RAD50: variants seen among roughly 807,000 people sequenced by gnomAD.
The protein encoded by RAD50 is RAD50 double strand break repair protein.
RAD50 carries 132 observed loss-of-function variants against 168.8 expected under a neutral mutation model. That is an observed-to-expected ratio of 0.78 (90% CI 0.68 to 0.90). RAD50 has a LOEUF of 0.90. RAD50 is among the 40% of genes least tolerant of loss of function. RAD50 has a pLI of 0.00. For synonymous variants in RAD50, 525 were observed against 497.4 expected, an observed-to-expected ratio of 1.06 and a Z score of -0.74; for missense variants, 1,347 against 1,534.4, an observed-to-expected ratio of 0.88 and a Z score of 2.04.
intron 21 of RAD50, among the ~76,000 whole-genome samples, chr5:132,622,220 G>T (rs1751298863): frequency 6.6e-6 from 1 of 151,780 alleles, no homozygotes; most frequent in Admixed American, 6.6e-5. Context: ...GAGTGCAGTG[G>T]CATGATCTCG....
intron 19 of RAD50, 112 bp downstream of exon 19, chr5:132,609,508 G>T: frequency 6.7e-7 from 1 of 1,501,750 alleles, no homozygotes; most frequent in Non-Finnish European, 9.0e-7. Context: ...GAGGCCAAGC[G>T]TGGTGGCTCA....
intron 1 of RAD50, among the ~76,000 whole-genome samples, chr5:132,558,555 A>C (rs1230364727): frequency 1.3e-5 from 2 of 151,974 alleles, no homozygotes; most frequent in African/African-American, 4.8e-5. Context: ...TAATAAAAAT[A>C]CAAAAATTAG....
intron 22 of RAD50, 102 bp from the exon 23 acceptor site, chr5:132,637,979 T>C (rs1017029501): frequency 1.3e-5 from 17 of 1,278,434 alleles, no homozygotes; most frequent in Admixed American, 1.8e-5. Context: ...CCTCTGGTAA[T>C]GTCAGCCTCA....
At chr5:132,585,119 C>T (rs182973527) in intron 5 of RAD50, among the ~76,000 whole-genome samples, 10 of 152,090 alleles carry the variant, frequency 6.6e-5, no homozygotes, top group Admixed American at 5.9e-4. Flanking sequence ...AAGTTGTTTT[C>T]GGCTTTGGGT....
chr5:132,605,363 CAG>C (rs1308786234), intron 16 of RAD50, among the ~76,000 whole-genome samples: 1 of 152,126 alleles, frequency 6.6e-6, no homozygotes, highest in African/African-American at 2.4e-5. Flanking sequence ...CTTTTAGAGA[CAG>C]AGTCTTCATC....
At chr5:132,589,126 G>A (rs889015572) in intron 8 of RAD50, among the ~76,000 whole-genome samples, 6 of 152,112 alleles carry the variant, frequency 3.9e-5, no homozygotes, top group Non-Finnish European at 8.8e-5. Context: ...AAAACTAATT[G>A]CAGAGAAAAC....
At chr5:132,610,914 C>A (rs1357552709) in intron 19 of RAD50, among the ~76,000 whole-genome samples, 7 of 152,062 alleles carry the variant, frequency 4.6e-5, no homozygotes, top group Non-Finnish European at 1.0e-4. Context: ...TACTTTGTAA[C>A]CTTCCTTGTT....
Position 132,644,270 on chromosome 5 carries a change from A to G in RAD50, c.*1906A>G, listed in dbSNP as rs1317786142. ...TGGCTGCTTTCATTCCAAGAAGCCC[A>G]TGGGTTTGGAGGTGGGATAGGTGCC... On this transcript the variant is annotated 3_prime_UTR_variant, in exon 25 of 25. Transcript: ENST00000378823. 5.8e-6 allele frequency: 1 copy of G among 173,240 alleles called. No individual in the cohort carries two copies. The highest frequency in any genetic ancestry group is 1.2e-5 in the Non-Finnish European group (1 of 80,178). The allele number at this position is 173,240 out of a possible 1,614,324, so 10.7% of individuals were successfully genotyped here. A position where few individuals can be genotyped will look rare whatever the true frequency, so the allele number is the denominator to read the frequency against.
At position 132,605,069 on chromosome 5, in the gene RAD50, C is replaced by T. The variant is rs1370369751; in HGVS notation, c.2718+70C>T. The T allele has an allele frequency of 6.5e-6, 8 of 1,226,012 alleles. No individual in the cohort carries two copies. In the Admixed American group the frequency reaches 8.1e-5, roughly 12 times the overall value. 75.9% of individuals were successfully genotyped at this position (1,226,012 alleles called of 1,614,324 possible). On this transcript the variant is annotated intron_variant, in intron 16 of 24. Transcript: ENST00000378823. The stretch of plus-strand genomic sequence containing the variant: ...TTATTTTTATTTTTATTTTTTGAGA[C>T]AGTCTCGTTCTGTCACCCAGGCTGG...
intron 9 of RAD50, 105 bp from the exon 10 acceptor site, chr5:132,591,119 T>C: frequency 8.5e-7 from 1 of 1,174,520 alleles, no homozygotes; most frequent in Non-Finnish European, 1.3e-6. Flanking sequence ...AACAGTAATA[T>C]TTGGAACATT....
intron 2 of RAD50, among the ~76,000 whole-genome samples, chr5:132,562,879 C>T (rs1006971372): frequency 2.0e-5 from 3 of 152,020 alleles, no homozygotes; most frequent in South Asian, 2.1e-4. Context: ...AAGAGCAATT[C>T]GTTAAGTAAG....
At chr5:132,620,760 G>A (rs1751271542) in intron 21 of RAD50, among the ~76,000 whole-genome samples, 1 of 152,140 alleles carries the variant, frequency 6.6e-6, no homozygotes, top group Admixed American at 6.6e-5. Context: ...ATAGCCTACT[G>A]TTGACTGGAA....
rs750234018 is a variant in RAD50 at position 132,591,317 on chromosome 5, A to C, written c.1546A>C (p.Arg516=). ...CCAAAATGAAAAAGCAGACTTAGAC[A>C]GGACCCTGCGTAAACTTGACCAGGA... ...SLQNEKADLD[R]TLRKLDQEME... Residue 516 remains arginine, a synonymous_variant, in exon 10 of 25, where the codon AGG becomes CGG. Coordinates refer to ENST00000378823, the MANE Select transcript of RAD50 (RefSeq NM_005732.4). 1 of 1,613,702 alleles carries C rather than the reference A, an allele frequency of 6.2e-7. No homozygotes were observed. Among genetic ancestry groups the C allele is most frequent in the African/African-American group, 1.3e-5 (1 of 75,044 alleles).
intron 4 of RAD50, 21 bp downstream of exon 4, chr5:132,579,523 C>A: frequency 6.3e-7 from 1 of 1,593,222 alleles, no homozygotes; most frequent in Non-Finnish European, 8.6e-7. Flanking sequence ...CTTAAATAGA[C>A]TTTGTAGTCC....
At chr5:132,594,311 A>G (rs1244439610) in intron 11 of RAD50, among the ~76,000 whole-genome samples, 3 of 152,144 alleles carry the variant, frequency 2.0e-5, no homozygotes, top group Non-Finnish European at 4.4e-5. Flanking sequence ...AAATTGAAAA[A>G]CCATGTTATG....
intron 8 of RAD50, 122 bp downstream of exon 8, chr5:132,589,002 T>C: frequency 9.3e-7 from 1 of 1,075,708 alleles, no homozygotes; most frequent in Non-Finnish European, 1.4e-6. Context: ...GGATAAAATC[T>C]GCTACAAGGC....
In RAD50 at chr5:132,589,698, G is replaced by A. The variant is rs549284516; in HGVS notation, c.1313G>A (p.Gly438Glu). ...GATGAGATAAGAGATAAGAAAACTGGACTGGGAAGAATAATTGAGTTAAAA... is the reference window on the plus strand; with the variant it reads ...GATGAGATAAGAGATAAGAAAACTGAACTGGGAAGAATAATTGAGTTAAAA... ...QIDEIRDKKTGLGRIIELKSE... is the reference protein window; with the variant it reads ...QIDEIRDKKTELGRIIELKSE... The change falls in exon 9 of 25, where the codon GGA becomes GAA. Residue 438 changes from glycine (G) to glutamate (E), a missense_variant. Gly to Glu is a moderately conservative substitution (Grantham distance 98). Around this residue, in one of 3 missense-constraint regions of RAD50, gnomAD observed 703 missense variants for 767.7 expected, o/e 0.92. Coordinates refer to ENST00000378823, the MANE Select transcript of RAD50 (RefSeq NM_005732.4). 3.7e-6 allele frequency: 6 copies of A among 1,612,538 alleles called. No homozygotes were observed. The highest frequency in any genetic ancestry group is 1.7e-5 in the Admixed American group (1 of 60,018).
chr5:132,602,330 T>C (rs554902689), intron 13 of RAD50, among the ~76,000 whole-genome samples: 1 of 152,258 alleles, frequency 6.6e-6, no homozygotes, highest in African/African-American at 2.4e-5. Flanking sequence ...ACTAATTCAA[T>C]ATAATTTTAA....
At chr5:132,595,834 T>G in intron 13 of RAD50, 24 bp downstream of exon 13, 5 of 1,554,342 alleles carry the variant, frequency 3.2e-6, no homozygotes, top group Non-Finnish European at 1.8e-6. Flanking sequence ...TTACCTTCAC[T>G]GTACATGTAG....
Sources: gnomAD v4.1 joint callset for allele counts (sites outside exome capture counted in the v4.1 genomes callset) on GRCh38, gnomAD v4.1.1 for gene constraint, gnomAD v4.1.1 regional missense constraint, MANE v1.5 for transcripts, NCBI Gene and HGNC (gene_info 2026-07-23, HGNC 2026-07-21) for gene names.